ZNF383: variants seen among roughly 807,000 people sequenced by gnomAD.
The protein encoded by ZNF383 is zinc finger protein 383.
In ZNF383, 32 loss-of-function variants were observed where a neutral mutation model predicts 44.2. The observed-to-expected ratio is 0.72, with a 90% CI of 0.55 to 0.97. The LOEUF is 0.97. ZNF383 is among the 50% of genes least tolerant of loss of function. The pLI is 0.00. For synonymous variants in ZNF383, 155 were observed against 186.2 expected (o/e 0.83, Z 1.36); for missense variants, 487 against 562.5 (o/e 0.87, Z 1.36).
chr19:37,233,426 C>A lies in ZNF383; in HGVS notation c.10-2123C>A, dbSNP rs113621080. On this transcript the variant is annotated intron_variant, in intron 3 of 5. Transcript: ENST00000684119. The stretch of plus-strand genomic sequence containing the variant: ...GATTACAGGCGTGAGCCACTGCGCC[C>A]GGCTGTTTTTATTTTTTTTTTGGGA... 9.4e-3 allele frequency among the ~76,000 whole-genome samples: 1,357 copies of A among 145,110 alleles called. 21 individuals carry two copies. The highest frequency in any genetic ancestry group is 0.033 in the African/African-American group (1,300 of 39,004).
Position 37,221,533 on chromosome 19 carries a change from G to T in ZNF383, c.-168+3259G>T, listed in dbSNP as rs543248106. Among the ~76,000 whole-genome samples, 5 of 152,252 alleles carry T rather than the reference G, an allele frequency of 3.3e-5. No individual in the cohort carries two copies. The South Asian group carries it at 1.0e-3, about 32-fold the overall frequency. On this transcript the variant is annotated intron_variant, in intron 1 of 5. Coordinates refer to ENST00000684119, the MANE Select transcript of ZNF383 (RefSeq NM_001387601.1). Reference sequence around the variant, plus strand: ...GGAGGTTGAGGCTGCAGTGAGCTGCGATTGCACCACTGCCTTCCATCCTGG... The same window carrying T: ...GGAGGTTGAGGCTGCAGTGAGCTGCTATTGCACCACTGCCTTCCATCCTGG...
In ZNF383 at chr19:37,220,125, C is replaced by T. The variant is rs563222749; in HGVS notation, c.-168+1851C>T. Among the ~76,000 whole-genome samples, 3 of 152,344 alleles carry T rather than the reference C, an allele frequency of 2.0e-5. No individual in the cohort carries two copies. In the East Asian group the frequency reaches 5.8e-4, roughly 29 times the overall value. The stretch of plus-strand genomic sequence containing the variant: ...ATTTCCTTCTAGTAAGTTTCCTATG[C>T]ACATATACATTGTTTTCAAGATTGG... On this transcript the variant is annotated intron_variant, in intron 1 of 5. Coordinates refer to ENST00000684119, the MANE Select transcript of ZNF383 (RefSeq NM_001387601.1).
In ZNF383 at chr19:37,230,609, C is replaced by A. The variant is rs990110061; in HGVS notation, c.9+147C>A. On this transcript the variant is annotated intron_variant, in intron 3 of 5. Transcript: ENST00000684119. The stretch of plus-strand genomic sequence containing the variant: ...CCCCATTTTTTCTTAGCTAGATAAT[C>A]CTATACCATCTCTAAGTATCCCTTT... 4.5e-5 allele frequency: 34 copies of A among 750,342 alleles called. 1 individual carries two copies. In the South Asian group the frequency reaches 5.4e-4, roughly 12 times the overall value. 46.5% of individuals were successfully genotyped at this position (750,342 alleles called of 1,614,324 possible). A position where few individuals can be genotyped will look rare whatever the true frequency, so the allele number is the denominator to read the frequency against.
chr19:37,227,042 C>T (rs1234257), intron 2 of ZNF383, among the ~76,000 whole-genome samples: 52,306 of 150,002 alleles, frequency 0.35, 9,317 homozygotes, highest in African/African-American at 0.43. Flanking sequence ...CTGTTGACCT[C>T]GTGATCTGCC....
Position 37,243,237 on chromosome 19 carries a change from GTGAGAAACCC to G in ZNF383, c.1003_1012del (p.Glu335MetfsTer104), listed in dbSNP as rs750063934. 33 of 1,614,004 alleles carry G rather than the reference GTGAGAAACCC, an allele frequency of 2.0e-5. No homozygotes were observed. Among genetic ancestry groups the G allele is most frequent in the Non-Finnish European group, 2.8e-5 (33 of 1,180,024 alleles). On this transcript the variant is annotated frameshift_variant, in exon 6 of 6. Coordinates refer to ENST00000684119, the MANE Select transcript of ZNF383 (RefSeq NM_001387601.1). LOFTEE classifies it high-confidence loss of function. ...GTTCAACATCAGAGAATTCATACTG[GTGAGAAACCC>G]TATGAGTGCAAGGAATGTGGCAAAG...
At chr19:37,228,079 C>G (rs556872353) in intron 2 of ZNF383, among the ~76,000 whole-genome samples, 1 of 151,934 alleles carries the variant, frequency 6.6e-6, no homozygotes, top group Non-Finnish European at 1.5e-5. Flanking sequence ...TTTTTAACTC[C>G]CCCAGGGAAA....
At chr19:37,227,296 T>C (rs910390365) in intron 2 of ZNF383, among the ~76,000 whole-genome samples, 5 of 151,402 alleles carry the variant, frequency 3.3e-5, no homozygotes, top group Non-Finnish European at 7.4e-5. Flanking sequence ...GTATTTTTAG[T>C]AGAGACGGGG....
chr19:37,242,847 G>A lies in ZNF383; in HGVS notation c.611G>A (p.Gly204Glu), dbSNP rs1974190688. 6.2e-7 allele frequency: 1 copy of A among 1,613,858 alleles called. No individual in the cohort carries two copies. The highest frequency in any genetic ancestry group is 1.1e-5 in the South Asian group (1 of 91,068). The change falls in exon 6 of 6, where the codon GGG becomes GAG. Residue 204 changes from glycine to glutamate, a missense_variant. Coordinates refer to ENST00000684119, the MANE Select transcript of ZNF383 (RefSeq NM_001387601.1). ...AAATCTTATGAATGTAAAGAGTGTG[G>A]GAAATTCTTTAGTTGTGGTTCACAT... ...GEKSYECKECGKFFSCGSHVT... is the reference protein window; with the variant it reads ...GEKSYECKECEKFFSCGSHVT...
chr19:37,220,714 C>T (rs1972882781), intron 1 of ZNF383, among the ~76,000 whole-genome samples: 1 of 152,114 alleles, frequency 6.6e-6, no homozygotes, highest in African/African-American at 2.4e-5. Context: ...GTCCTTTCCC[C>T]AGAATAAACT....
intron 3 of ZNF383, among the ~76,000 whole-genome samples, chr19:37,234,710 A>C (rs570324355): frequency 1.3e-5 from 2 of 152,170 alleles, no homozygotes; most frequent in African/African-American, 4.8e-5. Context: ...AGATTTTCAA[A>C]CTCTAAATTT....
At chr19:37,238,796 T>C (rs377530939) in intron 5 of ZNF383, among the ~76,000 whole-genome samples, 19 of 152,222 alleles carry the variant, frequency 1.2e-4, no homozygotes, top group African/African-American at 4.6e-4. Flanking sequence ...ATCCATTGAA[T>C]GATTTAGCAG....
intron 5 of ZNF383, 32 bp downstream of exon 5, chr19:37,236,106 C>T (rs374782804): frequency 4.4e-5 from 69 of 1,567,788 alleles, no homozygotes; most frequent in Non-Finnish European, 5.9e-5. Flanking sequence ...AGGAGAAAGT[C>T]ACGATAGGTC....
rs763696372 is a variant in ZNF383, at chr19:37,235,560, G to A, written c.21G>A (p.Met7Ile). MAEGSV[M>I]FSDVSIDFSQ... ...GTTTATTGTTTCAGGGATCAGTGAT[G>A]TTCAGTGATGTGTCCATAGACTTCT... is the stretch of plus-strand genomic sequence containing the variant. Residue 7 changes from methionine to isoleucine, a missense_variant, in exon 4 of 6, where the codon ATG (methionine) becomes ATA (isoleucine). Met to Ile is a conservative substitution (Grantham distance 10). Coordinates refer to ENST00000684119, the MANE Select transcript of ZNF383 (RefSeq NM_001387601.1). The A allele has an allele frequency of 1.2e-6, 2 of 1,614,046 alleles. No individual in the cohort carries two copies. Among genetic ancestry groups the A allele is most frequent in the South Asian group, 1.1e-5 (1 of 91,078 alleles).
chr19:37,236,221 T>C, intron 5 of ZNF383, 147 bp downstream of exon 5: 2 of 522,372 alleles, frequency 3.8e-6, no homozygotes, highest in Non-Finnish European at 6.7e-6. Context: ...TTTAGCATAG[T>C]TGTTAAATAA....
chr19:37,222,319 T>A (rs1720272888), intron 1 of ZNF383, among the ~76,000 whole-genome samples: 1 of 152,216 alleles, frequency 6.6e-6, no homozygotes. Context: ...TTATAGGTGA[T>A]ATAATGAATA....
intron 2 of ZNF383, among the ~76,000 whole-genome samples, chr19:37,226,263 C>T (rs569806773): frequency 3.9e-5 from 6 of 152,168 alleles, no homozygotes; most frequent in East Asian, 3.9e-4. Flanking sequence ...TTCCCATACA[C>T]GTCTTTCCCC....
intron 5 of ZNF383, among the ~76,000 whole-genome samples, chr19:37,240,374 A>G (rs749178315): frequency 6.6e-6 from 1 of 152,038 alleles, no homozygotes. Flanking sequence ...TTTTCCTGTA[A>G]CCCCCCAGTA....
intron 2 of ZNF383, among the ~76,000 whole-genome samples, chr19:37,226,901 C>G (rs947668339): frequency 6.6e-6 from 1 of 152,084 alleles, no homozygotes; most frequent in Non-Finnish European, 1.5e-5. Context: ...TCACTGCAAC[C>G]TCCGCCTCCT....
rs750898190 is a variant in ZNF383 at position 37,235,534 on chromosome 19, T to C, written c.10-15T>C. On this transcript the variant is annotated splice_polypyrimidine_tract_variant and intron_variant, in intron 3 of 5. Coordinates refer to ENST00000684119, the MANE Select transcript of ZNF383 (RefSeq NM_001387601.1). ...TTTTTAATTACACAAGTAATACGTA[T>C]GTTTATTGTTTCAGGGATCAGTGAT... is the stretch of plus-strand genomic sequence containing the variant. 6 of 1,613,748 alleles carry C rather than the reference T, an allele frequency of 3.7e-6. No individual in the cohort carries two copies. The highest frequency in any genetic ancestry group is 5.1e-6 in the Non-Finnish European group (6 of 1,179,722).
Sources: allele counts gnomAD v4.1 joint callset (sites outside exome capture counted in the v4.1 genomes callset), GRCh38; gene constraint gnomAD v4.1.1; transcripts MANE v1.5; gene names NCBI Gene and HGNC (gene_info 2026-07-23, HGNC 2026-07-21).